Variants in RANBP17 observed in about 807,000 individuals in gnomAD.
RANBP17 encodes the protein RAN binding protein 17.
In RANBP17, 158 loss-of-function variants were observed where a neutral mutation model predicts 141.2. The ratio of observed to expected loss-of-function variants is 1.12; its 90% CI spans 0.98 to 1.28. The LOEUF is 1.28. Ranked by LOEUF, RANBP17 falls within the 50% of genes most tolerant of loss-of-function variation. The pLI is 0.00. For synonymous variants in RANBP17, 430 were observed against 450.0 expected, an observed-to-expected ratio of 0.96 and a Z score of 0.56; for missense variants, 1,438 against 1,290.7, an observed-to-expected ratio of 1.11 and a Z score of -1.75.
At chr5:170,884,649 T>TA (rs1424009708) in intron 3 of RANBP17, among the ~76,000 whole-genome samples, 2 of 152,040 alleles carry the variant, frequency 1.3e-5, no homozygotes, top group Non-Finnish European at 2.9e-5. Context: ...CTTATGGAAA[T>TA]ACATTGTAAT....
At chr5:170,983,311 A>G (rs1430991969) in intron 14 of RANBP17, 2 of 248,512 alleles carry the variant, frequency 8.0e-6, no homozygotes, top group Non-Finnish European at 7.8e-6. Flanking sequence ...GTCTTGGACC[A>G]GGTTGAGAGG....
intron 3 of RANBP17, among the ~76,000 whole-genome samples, chr5:170,882,309 T>C (rs1330937056): frequency 6.6e-6 from 1 of 152,170 alleles, no homozygotes; most frequent in Non-Finnish European, 1.5e-5. Flanking sequence ...CTTGATCTCT[T>C]GACCTCGTGA....
intron 14 of RANBP17, among the ~76,000 whole-genome samples, chr5:171,084,321 A>G (rs199628444): frequency 0.049 from 7,049 of 144,494 alleles, 189 homozygotes; most frequent in East Asian, 0.11. Flanking sequence ...ATAGTATTCC[A>G]TGGTGTATAT....
chr5:170,924,794 A>G, intron 12 of RANBP17: 1 of 330,824 alleles, frequency 3.0e-6, no homozygotes, highest in Admixed American at 4.3e-5. Flanking sequence ...TATGAAGAAA[A>G]ATTGATAATG....
At chr5:170,889,706 G>C (rs989176711) in intron 3 of RANBP17, among the ~76,000 whole-genome samples, 2 of 152,138 alleles carry the variant, frequency 1.3e-5, no homozygotes, top group Non-Finnish European at 2.9e-5. Flanking sequence ...AGGACCTCTA[G>C]TGTGTAGCTT....
At chr5:171,186,039 G>A (rs1761211298) in intron 18 of RANBP17, among the ~76,000 whole-genome samples, 1 of 152,148 alleles carries the variant, frequency 6.6e-6, no homozygotes, top group South Asian at 2.1e-4. Flanking sequence ...CTAGAGCACA[G>A]GCAGAGTAGA....
At chr5:171,121,608 C>A (rs773879358) in intron 14 of RANBP17, among the ~76,000 whole-genome samples, 1 of 152,118 alleles carries the variant, frequency 6.6e-6, no homozygotes. Context: ...GGCTGAAGGG[C>A]GGGTTCACAC....
chr5:171,034,769 G>C (rs1781764149), intron 14 of RANBP17, among the ~76,000 whole-genome samples: 1 of 152,168 alleles, frequency 6.6e-6, no homozygotes, highest in South Asian at 2.1e-4. Flanking sequence ...TTCCTGCCCA[G>C]CATCTTTTGG....
intron 12 of RANBP17, among the ~76,000 whole-genome samples, chr5:170,928,833 C>T (rs1773127840): frequency 1.3e-5 from 2 of 151,086 alleles, no homozygotes; most frequent in Non-Finnish European, 3.0e-5. Flanking sequence ...TTAATTTTAG[C>T]ATCAGCATCT....
rs536460679 is a variant in RANBP17, at chr5:171,075,705, C to A, written c.1711-94425C>A. On this transcript the variant is annotated intron_variant, in intron 14 of 27. Transcript: ENST00000523189. ...TGGTGGCTCAAGCCTGTAATCCCAG[C>A]ACTTTGGGAGGCCAAGGTGGGCAGA... Among the ~76,000 whole-genome samples, 15 of 152,268 alleles carry A rather than the reference C, an allele frequency of 9.9e-5. No individual in the cohort carries two copies. The East Asian group carries it at 2.9e-3, about 29-fold the overall frequency.
At chr5:171,283,025 T>C (rs1767947064) in intron 25 of RANBP17, among the ~76,000 whole-genome samples, 1 of 151,888 alleles carries the variant, frequency 6.6e-6, no homozygotes, top group Non-Finnish European at 1.5e-5. Context: ...TCCCCCAGAC[T>C]CCTCTCCAAA....
intron 20 of RANBP17, among the ~76,000 whole-genome samples, chr5:171,209,628 G>T (rs1258272885): frequency 6.6e-6 from 1 of 152,204 alleles, no homozygotes; most frequent in East Asian, 1.9e-4. Context: ...TAACAGAGAT[G>T]CATGCAAAGG....
At chr5:171,165,372 T>G (rs1759621413) in intron 14 of RANBP17, among the ~76,000 whole-genome samples, 1 of 151,962 alleles carries the variant, frequency 6.6e-6, no homozygotes, top group African/African-American at 2.4e-5. Context: ...AGTTTGGGGT[T>G]TCACCGTGTT....
intron 24 of RANBP17, among the ~76,000 whole-genome samples, chr5:171,246,974 T>A (rs1765249741): frequency 6.6e-6 from 1 of 152,226 alleles, no homozygotes. Flanking sequence ...GCAGAAACAG[T>A]GTCTTACTCA....
intron 3 of RANBP17, 96 bp downstream of exon 3, chr5:170,881,992 TCTGTCA>T: frequency 1.5e-6 from 1 of 682,088 alleles, no homozygotes; most frequent in African/African-American, 1.8e-5. Flanking sequence ...ATTTTTTATG[TCTGTCA>T]TTTTTAAAAA....
rs1390727749 is a variant in RANBP17, at chr5:170,933,720, G to A, written c.1468+9170G>A. On this transcript the variant is annotated intron_variant, in intron 12 of 27. Coordinates refer to ENST00000523189, the MANE Select transcript of RANBP17 (RefSeq NM_022897.5). ...TTGTTCAGTTTCCATGTAGTTGAGCGGTTTTGAGTGAGTTTCTTAATCCTG... is the reference window on the plus strand; with the variant it reads ...TTGTTCAGTTTCCATGTAGTTGAGCAGTTTTGAGTGAGTTTCTTAATCCTG... Among the ~76,000 whole-genome samples the A allele has an allele frequency of 5.9e-5, 9 of 152,148 alleles. No individual in the cohort carries two copies. The East Asian group carries it at 7.7e-4, about 13-fold the overall frequency.
intron 14 of RANBP17, among the ~76,000 whole-genome samples, chr5:170,995,864 C>T (rs1253677440): frequency 6.6e-6 from 1 of 151,966 alleles, no homozygotes; most frequent in Non-Finnish European, 1.5e-5. Context: ...GAAGAAAATA[C>T]ATTTAAATGT....
chr5:171,073,242 A>G (rs972352760), intron 14 of RANBP17, among the ~76,000 whole-genome samples: 3 of 152,146 alleles, frequency 2.0e-5, no homozygotes, highest in Non-Finnish European at 4.4e-5. Flanking sequence ...TATATTATAA[A>G]TGCATGACAT....
At chr5:170,888,802 T>G (rs1160257125) in intron 3 of RANBP17, among the ~76,000 whole-genome samples, 1 of 152,152 alleles carries the variant, frequency 6.6e-6, no homozygotes, top group Non-Finnish European at 1.5e-5. Flanking sequence ...TTCAAGTTTC[T>G]CACCATTAAA....
Sources: allele counts gnomAD v4.1 joint callset (sites outside exome capture counted in the v4.1 genomes callset), GRCh38; gene constraint gnomAD v4.1.1; transcripts MANE v1.5; gene names NCBI Gene and HGNC (gene_info 2026-07-23, HGNC 2026-07-21).